Variants in ITGA1 observed in about 807,000 individuals in gnomAD.
ITGA1 encodes integrin subunit alpha 1, also known as integrin alpha-1.
A neutral mutation model predicts 145.9 loss-of-function variants in ITGA1; 85 were observed. That is an observed-to-expected ratio of 0.58 (90% CI 0.49 to 0.70). ITGA1 has a LOEUF of 0.70. ITGA1 is among the 30% of genes least tolerant of loss of function. The pLI is 0.00. For missense variants in ITGA1, 1,351 were observed against 1,418.7 expected, an observed-to-expected ratio of 0.95 and a Z score of 0.77; for synonymous variants, 520 against 495.3, an observed-to-expected ratio of 1.05 and a Z score of -0.66.
chr5:52,916,675 G>A (rs569563210), intron 15 of ITGA1, among the ~76,000 whole-genome samples: 1 of 152,226 alleles, frequency 6.6e-6, no homozygotes, highest in Non-Finnish European at 1.5e-5. Context: ...GGGAATATTA[G>A]GCAGCACAGT....
chr5:52,835,946 C>A (rs1375672002), intron 1 of ITGA1, among the ~76,000 whole-genome samples: 1 of 152,024 alleles, frequency 6.6e-6, no homozygotes, highest in African/African-American at 2.4e-5. Flanking sequence ...TGAACTTTGC[C>A]GATAATTGTA....
intron 1 of ITGA1, among the ~76,000 whole-genome samples, chr5:52,793,338 A>G (rs1748278402): frequency 6.6e-6 from 1 of 152,026 alleles, no homozygotes; most frequent in Non-Finnish European, 1.5e-5. Context: ...TTGTCCCTTT[A>G]TTATATACCT....
At chr5:52,802,498 A>G (rs1580031122) in intron 1 of ITGA1, 2 of 152,250 alleles carry the variant, frequency 1.3e-5, no homozygotes, top group South Asian at 4.1e-4. Flanking sequence ...GGTAACTTAA[A>G]TCAGTTATTT....
intron 6 of ITGA1, among the ~76,000 whole-genome samples, chr5:52,877,832 G>A (rs1028381572): frequency 2.0e-5 from 3 of 152,116 alleles, no homozygotes; most frequent in Admixed American, 2.0e-4. Context: ...CCATTTTGGG[G>A]CTCACCTGTC....
intron 1 of ITGA1, among the ~76,000 whole-genome samples, chr5:52,841,355 C>A (rs1749251466): frequency 1.3e-5 from 2 of 152,102 alleles, no homozygotes; most frequent in South Asian, 4.1e-4. Context: ...TACTCATTGG[C>A]CAAGGCCCTA....
chr5:52,798,041 C>G (rs1374500361), intron 1 of ITGA1, among the ~76,000 whole-genome samples: 1 of 152,238 alleles, frequency 6.6e-6, no homozygotes, highest in Non-Finnish European at 1.5e-5. Flanking sequence ...CTCTCTTTCT[C>G]TCTCACAAAT....
At chr5:52,857,303 C>G (rs1380201599) in intron 2 of ITGA1, among the ~76,000 whole-genome samples, 1 of 152,174 alleles carries the variant, frequency 6.6e-6, no homozygotes, top group Non-Finnish European at 1.5e-5. Context: ...AGACAAACCT[C>G]TCCTTCTGGA....
At position 52,897,456 on chromosome 5, in the gene ITGA1, C is replaced by T. The variant is rs1531545; in HGVS notation, c.1092C>T (p.Ala364=). The change falls in exon 10 of 29, where the codon GCC becomes GCT. Residue 364 remains alanine, a splice_region_variant and synonymous_variant. Transcript: ENST00000282588. ...CAGTGATATTTTCCTATGTTATAGC[C>T]ACAGCTGACCAGTCAGCAGCTTCAT... ...TLGERIFALE[A]TADQSAASFE... is the part of the protein sequence containing the mutation. The T allele has an allele frequency of 0.52, 827,379 of 1,600,120 alleles. 218,280 individuals are homozygous for T. Among genetic ancestry groups the T allele is most frequent in the African/African-American group, 0.7 (52,393 of 74,650 alleles).
At chr5:52,884,817 G>C (rs1336201762) in intron 7 of ITGA1, among the ~76,000 whole-genome samples, 1 of 152,158 alleles carries the variant, frequency 6.6e-6, no homozygotes, top group African/African-American at 2.4e-5. Context: ...ACATCGACCA[G>C]TTATCTGACA....
intron 2 of ITGA1, among the ~76,000 whole-genome samples, chr5:52,859,884 C>A (rs1008286505): frequency 6.6e-6 from 1 of 152,172 alleles, no homozygotes; most frequent in African/African-American, 2.4e-5. Flanking sequence ...ACTGCTTGAC[C>A]AGGGCATCTA....
chr5:52,905,664 T>C (rs984919036), intron 11 of ITGA1, 99 bp from the exon 12 acceptor site: 11 of 1,001,854 alleles, frequency 1.1e-5, no homozygotes, highest in South Asian at 4.5e-5. Flanking sequence ...AATATAACCA[T>C]ATAAAAATGA....
At chr5:52,827,229 C>A (rs909200912) in intron 1 of ITGA1, among the ~76,000 whole-genome samples, 1 of 151,192 alleles carries the variant, frequency 6.6e-6, no homozygotes, top group Admixed American at 6.6e-5. Flanking sequence ...ACTGCAGATA[C>A]GGTGGGAATA....
chr5:52,903,364 G>C (rs1475727434), intron 11 of ITGA1: 2 of 152,016 alleles, frequency 1.3e-5, no homozygotes, highest in African/African-American at 4.8e-5. Flanking sequence ...TGGCCTGAAA[G>C]ATTCATTTTA....
At position 52,881,882 on chromosome 5, in the gene ITGA1, G is replaced by C. The variant is rs1044488017; in HGVS notation, c.634G>C (p.Val212Leu). Reference sequence around the variant, plus strand: ...TGGCTTGGTATTTCAGGTTGGAATTGTACAGTATGGAGAAAACGTGACCCA... The same window carrying C: ...TGGCTTGGTATTTCAGGTTGGAATTCTACAGTATGGAGAAAACGTGACCCA... The part of the protein sequence containing the change: ...IGPKQTQVGI[V>L]QYGENVTHEF... Residue 212 changes from valine to leucine, a missense_variant, in exon 7 of 29, where the codon GTA becomes CTA. Val to Leu is a conservative substitution (Grantham distance 32, BLOSUM62 1). Coordinates refer to ENST00000282588, the MANE Select transcript of ITGA1 (RefSeq NM_181501.2). The C allele has an allele frequency of 1.9e-6, 3 of 1,612,504 alleles. No individual in the cohort carries two copies. The highest frequency in any genetic ancestry group is 2.5e-6 in the Non-Finnish European group (3 of 1,179,382).
chr5:52,804,713 T>G (rs933790727), intron 1 of ITGA1, among the ~76,000 whole-genome samples: 2 of 152,186 alleles, frequency 1.3e-5, no homozygotes, highest in African/African-American at 4.8e-5. Context: ...TATGAAACGG[T>G]CTGTACATTA....
At chr5:52,865,613 T>C (rs1361792161) in intron 5 of ITGA1, 77 bp from the exon 6 acceptor site, 1 of 1,195,876 alleles carries the variant, frequency 8.4e-7, no homozygotes, top group African/African-American at 1.6e-5. Context: ...AATGAACTTC[T>C]TTCAGCCATG....
chr5:52,801,097 GAAAACCGGTCC>G, intron 1 of ITGA1: 1 of 1,605,726 alleles, frequency 6.2e-7, no homozygotes, highest in Non-Finnish European at 8.5e-7. Context: ...ACTGCTCCTG[GAAAACCGGTCC>G]AAATTTCTTC....
At chr5:52,853,636 G>A (rs1749461474) in intron 2 of ITGA1, among the ~76,000 whole-genome samples, 1 of 152,132 alleles carries the variant, frequency 6.6e-6, no homozygotes, top group South Asian at 2.1e-4. Context: ...GACAGAAAAG[G>A]TAGCCTTATG....
chr5:52,882,038 AT>A lies in ITGA1; in HGVS notation c.773+18del. The stretch of plus-strand genomic sequence containing the variant: ...CACAGCAAGGTATATGGATAAAAAA[AT>A]AAACTAAAGTAAAAGACTGCAAAAA... On this transcript the variant is annotated intron_variant, in intron 7 of 28. Coordinates refer to ENST00000282588, the MANE Select transcript of ITGA1 (RefSeq NM_181501.2). 2 of 1,545,142 alleles carry A rather than the reference AT, an allele frequency of 1.3e-6. No individual in the cohort carries two copies. The highest frequency in any genetic ancestry group is 8.7e-7 in the Non-Finnish European group (1 of 1,143,808).
Sources: gnomAD v4.1 joint callset for allele counts (sites outside exome capture counted in the v4.1 genomes callset) on GRCh38, gnomAD v4.1.1 for gene constraint, MANE v1.5 for transcripts, NCBI Gene and HGNC (gene_info 2026-07-23, HGNC 2026-07-21) for gene names.